DOCK2: variants seen among roughly 807,000 people sequenced by gnomAD.
DOCK2 encodes dedicator of cytokinesis 2.
In DOCK2, 87 loss-of-function variants were observed where a neutral mutation model predicts 248.9. The ratio of observed to expected loss-of-function variants is 0.35; its 90% CI spans 0.29 to 0.42. The LOEUF (loss-of-function observed/expected upper bound fraction) is 0.42, where lower values mean the gene tolerates loss of function less well. Ranked by LOEUF, DOCK2 falls within the 10% of genes least tolerant of loss-of-function variation. The pLI is 1.00. For synonymous variants in DOCK2, 805 were observed against 821.6 expected (o/e 0.98, Z 0.35); for missense variants, 1,747 against 2,300.2 (o/e 0.76, Z 4.92).
intron 27 of DOCK2, among the ~76,000 whole-genome samples, chr5:169,910,986 T>C (rs1361376313): frequency 6.6e-6 from 1 of 152,136 alleles, no homozygotes; most frequent in Non-Finnish European, 1.5e-5. Context: ...GAATAATAAG[T>C]GAAACCCTCA....
chr5:169,822,687 C>T (rs1768544282), intron 26 of DOCK2, among the ~76,000 whole-genome samples: 2 of 151,848 alleles, frequency 1.3e-5, no homozygotes, highest in African/African-American at 2.4e-5. Flanking sequence ...AAATTGACAC[C>T]CTAACATCAC....
At chr5:169,773,826 T>C (rs1043164255) in intron 25 of DOCK2, among the ~76,000 whole-genome samples, 1 of 152,148 alleles carries the variant, frequency 6.6e-6, no homozygotes, top group South Asian at 2.1e-4. Flanking sequence ...GCAGTTTCCC[T>C]TATACTGTTC....
At chr5:170,075,069 C>A (rs2113874008) in intron 46 of DOCK2, among the ~76,000 whole-genome samples, 1 of 152,326 alleles carries the variant, frequency 6.6e-6, no homozygotes, top group South Asian at 2.1e-4. Flanking sequence ...TCTCCTTCAC[C>A]TTGTCATTTC....
In DOCK2 at chr5:169,996,292, G is replaced by T. The variant is rs147734282; in HGVS notation, c.3072+128G>T. ...TCCCAGTCTCTCCAGGGATTCCCAC[G>T]GGGGGTTATGGCTGGGGAGAAAATT... On this transcript the variant is annotated intron_variant, in intron 30 of 51. Coordinates refer to ENST00000520908, the MANE Select transcript of DOCK2 (RefSeq NM_004946.3). The T allele has an allele frequency of 2.4e-3, 2,138 of 900,252 alleles. 34 individuals carry two copies. The African/African-American group carries it at 0.033, about 14-fold the overall frequency. 55.8% of individuals were successfully genotyped at this position (900,252 alleles called of 1,614,324 possible). A position where few individuals can be genotyped will look rare whatever the true frequency, so the allele number is the denominator to read the frequency against.
intron 38 of DOCK2, 98 bp downstream of exon 38, chr5:170,042,230 T>C (rs1203919815): frequency 2.2e-6 from 3 of 1,392,414 alleles, no homozygotes; most frequent in Non-Finnish European, 2.9e-6. Flanking sequence ...CTCTGTCAGA[T>C]ATCCCTGCAA....
intron 27 of DOCK2, among the ~76,000 whole-genome samples, chr5:169,919,266 G>A (rs1427106376): frequency 2.0e-5 from 3 of 152,198 alleles, no homozygotes; most frequent in South Asian, 4.1e-4. Flanking sequence ...TGGGGCAGAG[G>A]TGGGGCCCAA....
chr5:169,943,954 C>T (rs956383324), intron 27 of DOCK2, among the ~76,000 whole-genome samples: 4 of 152,220 alleles, frequency 2.6e-5, no homozygotes, highest in African/African-American at 9.6e-5. Flanking sequence ...ACTTTGCTTT[C>T]TTATTGTCTC....
chr5:169,851,950 G>A (rs1375525931), intron 27 of DOCK2, among the ~76,000 whole-genome samples: 4 of 152,076 alleles, frequency 2.6e-5, no homozygotes, highest in Admixed American at 2.6e-4. Flanking sequence ...ATTTGGGTGG[G>A]GACACAGCAA....
intron 51 of DOCK2, 102 bp from the exon 52 acceptor site, chr5:170,082,692 AGG>A: frequency 7.1e-7 from 1 of 1,403,652 alleles, no homozygotes; most frequent in Non-Finnish European, 9.8e-7. Context: ...GGCTTTGGGC[AGG>A]GGTCAGTGTT....
At chr5:169,917,113 C>T (rs941837507) in intron 27 of DOCK2, among the ~76,000 whole-genome samples, 3 of 152,330 alleles carry the variant, frequency 2.0e-5, no homozygotes, top group Middle Eastern at 3.4e-3. Flanking sequence ...CACCAAATCT[C>T]AGCATTTCTT....
At chr5:169,660,382 G>T (rs914047348) in intron 2 of DOCK2, among the ~76,000 whole-genome samples, 1 of 152,094 alleles carries the variant, frequency 6.6e-6, no homozygotes, top group Admixed American at 6.6e-5. Flanking sequence ...AATGAGGGAG[G>T]AGATGGATAG....
intron 27 of DOCK2, among the ~76,000 whole-genome samples, chr5:169,971,920 A>G (rs186725061): frequency 2.6e-5 from 4 of 152,290 alleles, no homozygotes; most frequent in Admixed American, 2.0e-4. Context: ...GTTCCAACAT[A>G]TAAATATGAA....
intron 27 of DOCK2, among the ~76,000 whole-genome samples, chr5:169,893,076 G>T (rs1773390157): frequency 6.6e-6 from 1 of 151,818 alleles, no homozygotes; most frequent in Admixed American, 6.6e-5. Flanking sequence ...CTTCTCTCTT[G>T]CATCTTCATA....
In DOCK2 at chr5:169,770,695, C is replaced by T. The variant is rs534073869; in HGVS notation, c.2554+9070C>T. Among the ~76,000 whole-genome samples the T allele has an allele frequency of 1.2e-4, 19 of 152,104 alleles. 1 individual carries two copies. The highest frequency in any genetic ancestry group is 8.5e-4 in the Admixed American group (13 of 15,264). ...CAGTATTTTAGTTATTTGAACTTTA[C>T]GAAAAGTGTATTGAACTGTTGATAA... is the stretch of plus-strand genomic sequence containing the variant. On this transcript the variant is annotated intron_variant, in intron 25 of 51. Transcript: ENST00000520908.
At chr5:169,856,016 G>T (rs112653626) in intron 27 of DOCK2, among the ~76,000 whole-genome samples, 3 of 152,110 alleles carry the variant, frequency 2.0e-5, no homozygotes, top group Admixed American at 6.5e-5. Flanking sequence ...AGTGAGGAGC[G>T]AAGGGGGAAG....
At chr5:170,011,679 A>G (rs1755301380) in intron 32 of DOCK2, among the ~76,000 whole-genome samples, 2 of 152,198 alleles carry the variant, frequency 1.3e-5, no homozygotes, top group East Asian at 1.9e-4. Context: ...AGTCTGTCCC[A>G]TGAGAATCAG....
At position 169,763,914 on chromosome 5, in the gene DOCK2, CATCT is replaced by C. The variant is rs1229237478; in HGVS notation, c.2554+2292_2554+2295del. On this transcript the variant is annotated intron_variant, in intron 25 of 51. Coordinates refer to ENST00000520908, the MANE Select transcript of DOCK2 (RefSeq NM_004946.3). The surrounding 1 kb of genome is among the most constrained non-coding windows in gnomAD (Gnocchi z 4.1). ...AGCTGAAAGGTAACTCCTCTCCCAC[CATCT>C]ATTTGCTAAGTGAGCCCTGTTACCA... is the stretch of plus-strand genomic sequence containing the variant. Among the ~76,000 whole-genome samples the C allele has an allele frequency of 6.6e-6, 1 of 152,206 alleles. No individual in the cohort carries two copies. The highest frequency in any genetic ancestry group is 1.5e-5 in the Non-Finnish European group (1 of 68,040).
At chr5:169,822,851 A>T (rs964814299) in intron 26 of DOCK2, among the ~76,000 whole-genome samples, 2 of 152,210 alleles carry the variant, frequency 1.3e-5, no homozygotes, top group Non-Finnish European at 2.9e-5. Flanking sequence ...TGAAAAGATC[A>T]ACAAAATTGA....
chr5:169,753,547 T>A, intron 23 of DOCK2, among the ~76,000 whole-genome samples: 1 of 152,228 alleles, frequency 6.6e-6, no homozygotes. Context: ...TAACTTACCT[T>A]GGCTGAAAAT....
Sources: allele counts gnomAD v4.1 joint callset (sites outside exome capture counted in the v4.1 genomes callset), GRCh38; gene constraint gnomAD v4.1.1; non-coding constraint Gnocchi (gnomAD v3.1); transcripts MANE v1.5; gene names NCBI Gene and HGNC (gene_info 2026-07-23, HGNC 2026-07-21).